The following PCSK2 variants were observed in gnomAD, a reference collection of about 807,000 sequenced individuals.
PCSK2 encodes the protein neuroendocrine convertase 2.
In PCSK2, 14 loss-of-function variants were observed where a neutral mutation model predicts 69.7. The observed-to-expected ratio is 0.20, with a 90% CI of 0.13 to 0.31. The LOEUF is 0.31. Among genes scored for constraint, PCSK2 ranks in the 10% least tolerant of loss-of-function variants. PCSK2 has a pLI of 1.00. For missense variants in PCSK2, 544 were observed against 842.5 expected (o/e 0.65, Z 4.39); for synonymous variants, 307 against 320.7 (o/e 0.96, Z 0.46).
intron 2 of PCSK2, among the ~76,000 whole-genome samples, chr20:17,271,423 C>A (rs1987862141): frequency 6.6e-6 from 1 of 151,930 alleles, no homozygotes; most frequent in African/African-American, 2.4e-5. Flanking sequence ...CCTTTGATAG[C>A]TAAACAAGTT....
rs117450271 is a variant in PCSK2 at position 17,298,393 on chromosome 20, A to T, written c.282+38049A>T. Reference sequence around the variant, plus strand: ...CACTTGGCAATGTTGGGAGACAGTCATGATTGTCACTGGTGGGAAGGTGGG... The same window carrying T: ...CACTTGGCAATGTTGGGAGACAGTCTTGATTGTCACTGGTGGGAAGGTGGG... On this transcript the variant is annotated intron_variant, in intron 2 of 11. Transcript: ENST00000262545. Among the ~76,000 whole-genome samples, 41 of 152,270 alleles carry T rather than the reference A, an allele frequency of 2.7e-4. No individual in the cohort carries two copies. In the East Asian group the frequency reaches 6.9e-3, roughly 26 times the overall value.
At chr20:17,480,506 A>G (rs575088182) in intron 11 of PCSK2, among the ~76,000 whole-genome samples, 27 of 152,250 alleles carry the variant, frequency 1.8e-4, no homozygotes, top group Admixed American at 1.2e-3. Flanking sequence ...TCTTAATGGT[A>G]GTAATGGCAG....
intron 6 of PCSK2, among the ~76,000 whole-genome samples, chr20:17,423,277 TC>T (rs2032171805): frequency 6.6e-6 from 1 of 152,208 alleles, no homozygotes; most frequent in East Asian, 1.9e-4. Context: ...AGCAGGGGCT[TC>T]CAGGTTATAG....
At chr20:17,253,624 G>T (rs1373599085) in intron 1 of PCSK2, among the ~76,000 whole-genome samples, 29 of 152,058 alleles carry the variant, frequency 1.9e-4, no homozygotes, top group Admixed American at 1.8e-3. Flanking sequence ...AGCAATGTGG[G>T]TTGTTTCTAG....
At chr20:17,378,158 T>C (rs941833158) in intron 5 of PCSK2, among the ~76,000 whole-genome samples, 12 of 152,266 alleles carry the variant, frequency 7.9e-5, no homozygotes, top group African/African-American at 2.9e-4. Context: ...ACCACCCATA[T>C]AGGAATGCAA....
chr20:17,333,073 TGTTCACAAC>T (rs1297643577), intron 2 of PCSK2, among the ~76,000 whole-genome samples: 48 of 152,312 alleles, frequency 3.2e-4, no homozygotes, highest in African/African-American at 1.1e-3. Flanking sequence ...AATTTCCCAA[TGTTCACAAC>T]TGAACTGTGG....
intron 2 of PCSK2, among the ~76,000 whole-genome samples, chr20:17,347,335 C>T (rs2123184344): frequency 6.6e-6 from 1 of 152,296 alleles, no homozygotes; most frequent in Non-Finnish European, 1.5e-5. Flanking sequence ...CCTCCGCAGA[C>T]CTCTCTCCTC....
intron 2 of PCSK2, among the ~76,000 whole-genome samples, chr20:17,356,239 A>G (rs1163420932): frequency 2.6e-5 from 4 of 152,120 alleles, no homozygotes; most frequent in Non-Finnish European, 5.9e-5. Flanking sequence ...TTATAAAAAT[A>G]CCCATCTATC....
At chr20:17,414,213 A>G (rs987683622) in intron 6 of PCSK2, among the ~76,000 whole-genome samples, 30 of 152,204 alleles carry the variant, frequency 2.0e-4, no homozygotes, top group Non-Finnish European at 4.0e-4. Context: ...AGAGACACAA[A>G]AAACCCTTCA....
chr20:17,420,942 C>T (rs1391275107), intron 6 of PCSK2, among the ~76,000 whole-genome samples: 1 of 152,160 alleles, frequency 6.6e-6, no homozygotes, highest in Non-Finnish European at 1.5e-5. Flanking sequence ...TTGTGAAATT[C>T]AGCAAAGAGA....
At chr20:17,257,708 C>T (rs1375108378) in intron 1 of PCSK2, among the ~76,000 whole-genome samples, 1 of 152,148 alleles carries the variant, frequency 6.6e-6, no homozygotes, top group African/African-American at 2.4e-5. Flanking sequence ...CAGTTTTAAA[C>T]TCTGCTATGG....
At chr20:17,471,123 G>C (rs142526559) in intron 11 of PCSK2, among the ~76,000 whole-genome samples, 3 of 152,142 alleles carry the variant, frequency 2.0e-5, no homozygotes, top group Non-Finnish European at 2.9e-5. Flanking sequence ...GGAGCACCGC[G>C]GGAGAGAAGG....
intron 5 of PCSK2, among the ~76,000 whole-genome samples, chr20:17,394,224 T>C (rs2123277358): frequency 6.6e-6 from 1 of 152,310 alleles, no homozygotes; most frequent in East Asian, 1.9e-4. Flanking sequence ...ACCTGACAAC[T>C]CTTATAATGT....
chr20:17,391,143 A>C (rs1037881306), intron 5 of PCSK2, among the ~76,000 whole-genome samples: 1 of 152,232 alleles, frequency 6.6e-6, no homozygotes, highest in Non-Finnish European at 1.5e-5. Flanking sequence ...CAAGTAGTAC[A>C]TGCAATATTA....
intron 2 of PCSK2, among the ~76,000 whole-genome samples, chr20:17,339,220 G>T (rs1990440220): frequency 6.6e-6 from 1 of 152,300 alleles, no homozygotes; most frequent in Admixed American, 6.5e-5. Context: ...CAACCTGGTG[G>T]CTTTCATTTG....
At chr20:17,262,855 G>A (rs1304816157) in intron 2 of PCSK2, among the ~76,000 whole-genome samples, 8 of 152,198 alleles carry the variant, frequency 5.3e-5, no homozygotes, top group African/African-American at 1.7e-4. Context: ...TATAAACACA[G>A]AATTTAAGAG....
intron 2 of PCSK2, among the ~76,000 whole-genome samples, chr20:17,318,357 T>A (rs368672158): frequency 2.0e-5 from 3 of 152,176 alleles, no homozygotes; most frequent in African/African-American, 7.2e-5. Context: ...TGAATGGACA[T>A]TTAAGATCCA....
At chr20:17,330,420 C>A (rs149338226) in intron 2 of PCSK2, among the ~76,000 whole-genome samples, 6 of 151,952 alleles carry the variant, frequency 3.9e-5, no homozygotes, top group African/African-American at 9.7e-5. Context: ...GGCGAAACCC[C>A]GTCTCTACTA....
intron 1 of PCSK2, among the ~76,000 whole-genome samples, chr20:17,243,864 A>G (rs370903620): frequency 6.6e-6 from 1 of 152,248 alleles, no homozygotes; most frequent in East Asian, 1.9e-4. Context: ...CATAAAAGAA[A>G]GACAGATAGA....
Sources: allele counts gnomAD v4.1 joint callset (sites outside exome capture counted in the v4.1 genomes callset), GRCh38; gene constraint gnomAD v4.1.1; transcripts MANE v1.5; gene names NCBI Gene and HGNC (gene_info 2026-07-23, HGNC 2026-07-21).